Variants in DLG2 observed in about 807,000 individuals in gnomAD.
The protein encoded by DLG2 is discs large MAGUK scaffold protein 2.
Under a neutral mutation model 132.5 loss-of-function variants are expected in DLG2, and 45 were observed. The observed-to-expected ratio is 0.34, with a 90% CI of 0.27 to 0.44. The LOEUF is 0.44. Among genes scored for constraint, DLG2 ranks in the 20% least tolerant of loss-of-function variants. The pLI is 1.00. For synonymous variants in DLG2, 424 were observed against 419.6 expected, an observed-to-expected ratio of 1.01 and a Z score of -0.13; for missense variants, 1,045 against 1,196.9, an observed-to-expected ratio of 0.87 and a Z score of 1.87.
chr11:85,213,495 A>G (rs1217996087), intron 4 of DLG2, among the ~76,000 whole-genome samples: 1 of 152,176 alleles, frequency 6.6e-6, no homozygotes, highest in Non-Finnish European at 1.5e-5. Context: ...AAGACCTGGA[A>G]TCAGTAGAGA....
chr11:85,233,046 T>C (rs2075384736), intron 4 of DLG2, among the ~76,000 whole-genome samples: 1 of 151,924 alleles, frequency 6.6e-6, no homozygotes. Context: ...TTTTTACTTT[T>C]TGTACCTGTG....
intron 11 of DLG2, among the ~76,000 whole-genome samples, chr11:84,020,416 G>A (rs1475950193): frequency 2.6e-5 from 4 of 151,912 alleles, no homozygotes; most frequent in Admixed American, 2.0e-4. Context: ...ATACAAACAG[G>A]TATATAAATA....
At chr11:83,856,819 CTTTAG>C (rs2060604552) in intron 16 of DLG2, among the ~76,000 whole-genome samples, 1 of 152,118 alleles carries the variant, frequency 6.6e-6, no homozygotes, top group Non-Finnish European at 1.5e-5. Flanking sequence ...TACAGAAGCT[CTTTAG>C]TTTAATTAAA....
chr11:84,317,622 A>G (rs1357227974), intron 7 of DLG2, among the ~76,000 whole-genome samples: 2 of 152,210 alleles, frequency 1.3e-5, no homozygotes, highest in Non-Finnish European at 2.9e-5. Flanking sequence ...TCTTTCCAGA[A>G]AGGATGCATC....
chr11:84,744,913 A>G (rs1211366378), intron 6 of DLG2, among the ~76,000 whole-genome samples: 2 of 150,984 alleles, frequency 1.3e-5, no homozygotes, highest in Non-Finnish European at 3.0e-5. Context: ...AAAAAAAAAA[A>G]AAAAAAGAAA....
chr11:84,172,664 T>A lies in DLG2; in HGVS notation c.574-9153A>T, dbSNP rs550751093. On this transcript the variant is annotated intron_variant, in intron 8 of 27. Coordinates refer to ENST00000376104, the MANE Select transcript of DLG2 (RefSeq NM_001142699.3). ...TTCAACCAATTCTCCTGCCTCAGCC[T>A]CCCAAGTAGCTGTGATTACAGGCAC... Among the ~76,000 whole-genome samples the A allele has an allele frequency of 1.8e-3, 277 of 152,108 alleles. 2 individuals carry two copies. Among genetic ancestry groups the A allele is most frequent in the African/African-American group, 6.5e-3 (270 of 41,492 alleles).
intron 6 of DLG2, among the ~76,000 whole-genome samples, chr11:84,541,019 C>T (rs1238453364): frequency 1.3e-5 from 2 of 152,002 alleles, no homozygotes; most frequent in African/African-American, 4.8e-5. Flanking sequence ...GGGTGGGGAA[C>T]ATCACACACC....
At chr11:85,399,345 G>A (rs1309195050) in intron 3 of DLG2, among the ~76,000 whole-genome samples, 1 of 152,088 alleles carries the variant, frequency 6.6e-6, no homozygotes, top group East Asian at 1.9e-4. Flanking sequence ...CGTGAAAATG[G>A]CCATACTGCC....
At chr11:84,942,955 C>A (rs2049656250) in intron 6 of DLG2, among the ~76,000 whole-genome samples, 1 of 152,050 alleles carries the variant, frequency 6.6e-6, no homozygotes, top group African/African-American at 2.4e-5. Flanking sequence ...TGACTTGACC[C>A]CTTATCATTA....
chr11:84,468,444 TC>T (rs1483336027), intron 7 of DLG2, among the ~76,000 whole-genome samples: 2 of 151,402 alleles, frequency 1.3e-5, no homozygotes, highest in Non-Finnish European at 1.5e-5. Context: ...CTGTGCATGT[TC>T]CCTCCACACA....
intron 15 of DLG2, among the ~76,000 whole-genome samples, chr11:83,894,224 ATAAGAGT>A (rs1292499048): frequency 6.6e-6 from 1 of 152,238 alleles, no homozygotes; most frequent in Non-Finnish European, 1.5e-5. Flanking sequence ...GCTAGGTAGT[ATAAGAGT>A]TACAAATAGG....
intron 15 of DLG2, among the ~76,000 whole-genome samples, chr11:83,896,811 C>T (rs2220086): frequency 0.21 from 32,112 of 151,964 alleles, 3,556 homozygotes; most frequent in East Asian, 0.36. Context: ...TTGAATTATA[C>T]ACTAGAAATG....
chr11:84,325,034 C>A (rs1198357323), intron 7 of DLG2, among the ~76,000 whole-genome samples: 1 of 152,070 alleles, frequency 6.6e-6, no homozygotes, highest in Non-Finnish European at 1.5e-5. Context: ...CCTACTCTGG[C>A]TGTTACTTCC....
At chr11:83,981,306 T>C (rs1378991724) in intron 11 of DLG2, among the ~76,000 whole-genome samples, 2 of 152,160 alleles carry the variant, frequency 1.3e-5, no homozygotes, top group Non-Finnish European at 2.9e-5. Context: ...TGTTATTAAC[T>C]GATTAACTAA....
In DLG2 at chr11:85,085,066, TG is replaced by T. The variant is rs553159117; in HGVS notation, c.357+26594del. Among the ~76,000 whole-genome samples the T allele has an allele frequency of 1.2e-4, 19 of 152,298 alleles. No individual in the cohort carries two copies. The South Asian group carries it at 3.9e-3, about 32-fold the overall frequency. ...CCAAAGGAAATTTTGATTCTGATTC[TG>T]TTGGTTATTTTTTCACAATCATGCT... On this transcript the variant is annotated intron_variant, in intron 6 of 27. Transcript: ENST00000376104.
At chr11:84,533,173 G>T (rs1019784016) in intron 7 of DLG2, among the ~76,000 whole-genome samples, 1 of 152,216 alleles carries the variant, frequency 6.6e-6, no homozygotes, top group Non-Finnish European at 1.5e-5. Context: ...AGCTATAAAT[G>T]TCAGGAGCTG....
chr11:84,861,287 C>G (rs1669998044), intron 6 of DLG2, among the ~76,000 whole-genome samples: 1 of 152,034 alleles, frequency 6.6e-6, no homozygotes, highest in South Asian at 2.1e-4. Context: ...TGTTCACGGG[C>G]CTGAGAGAAG....
At chr11:83,847,125 ACAG>A (rs1446211529) in intron 16 of DLG2, among the ~76,000 whole-genome samples, 3 of 152,144 alleles carry the variant, frequency 2.0e-5, no homozygotes, top group Admixed American at 2.0e-4. Flanking sequence ...GATAATTATA[ACAG>A]GAATAATTTT....
intron 16 of DLG2, among the ~76,000 whole-genome samples, chr11:83,871,169 A>G (rs2063370568): frequency 6.6e-6 from 1 of 152,184 alleles, no homozygotes. Context: ...GGGTCTCAGG[A>G]GAAAGAGGAG....
Sources: allele counts gnomAD v4.1 joint callset (sites outside exome capture counted in the v4.1 genomes callset), GRCh38; gene constraint gnomAD v4.1.1; transcripts MANE v1.5; gene names NCBI Gene and HGNC (gene_info 2026-07-23, HGNC 2026-07-21).